Variants in NAALAD2 observed in about 807,000 individuals in gnomAD.
NAALAD2 encodes N-acetylated-alpha-linked acidic dipeptidase 2.
In NAALAD2, 89 loss-of-function variants were observed where a neutral mutation model predicts 95.6. That is an observed-to-expected ratio of 0.93 (90% CI 0.78 to 1.11). The LOEUF (loss-of-function observed/expected upper bound fraction) is 1.11. Ranked by LOEUF, NAALAD2 falls within the 50% of genes least tolerant of loss-of-function variation. The pLI is 0.00. For missense variants in NAALAD2, 894 were observed against 872.4 expected (o/e 1.02, Z -0.31); for synonymous variants, 264 against 294.4 (o/e 0.90, Z 1.06).
At chr11:90,151,738 T>C (rs1306010650) in intron 5 of NAALAD2, among the ~76,000 whole-genome samples, 1 of 152,182 alleles carries the variant, frequency 6.6e-6, no homozygotes, top group African/African-American at 2.4e-5. Context: ...ACAGGGTACA[T>C]TTTCCTATTT....
intron 2 of NAALAD2, among the ~76,000 whole-genome samples, chr11:90,140,181 C>T (rs117617817): frequency 0.038 from 5,816 of 152,214 alleles, 156 homozygotes; most frequent in Non-Finnish European, 0.057. Context: ...AGTCACCTCA[C>T]AAGCTCACGG....
At chr11:90,155,434 T>C (rs1263974822) in intron 6 of NAALAD2, among the ~76,000 whole-genome samples, 3 of 93,384 alleles carry the variant, frequency 3.2e-5, no homozygotes, top group Non-Finnish European at 5.5e-5. Flanking sequence ...ATACATGTAA[T>C]ATATAATATA....
In NAALAD2 at chr11:90,191,761, G is replaced by T; in HGVS notation, c.*14G>T. On this transcript the variant is annotated 3_prime_UTR_variant, in exon 19 of 19. Transcript: ENST00000534061. The stretch of plus-strand genomic sequence containing the variant: ...GAAGTATTATAGAAGGTCTCAAGTG[G>T]CTAGCCATTAAAGGTGTTGCTAAAA... 1.3e-6 allele frequency: 2 copies of T among 1,512,032 alleles called. No individual in the cohort carries two copies. The highest frequency in any genetic ancestry group is 1.8e-6 in the Non-Finnish European group (2 of 1,129,848). 93.7% of individuals were successfully genotyped at this position (1,512,032 alleles called of 1,614,324 possible).
At chr11:90,140,610 A>G (rs1428855150) in intron 2 of NAALAD2, among the ~76,000 whole-genome samples, 1 of 152,092 alleles carries the variant, frequency 6.6e-6, no homozygotes, top group Non-Finnish European at 1.5e-5. Flanking sequence ...ACTCTATTCT[A>G]GATATAAGTC....
At position 90,191,733 on chromosome 11, in the gene NAALAD2, A is replaced by T; in HGVS notation, c.2209A>T (p.Lys737Ter). ...AATTCAAGCAGCAGCAGGAACTCTGAAAGAAGTATTATAGAAGGTCTCAAG... is the reference window on the plus strand; with the variant it reads ...AATTCAAGCAGCAGCAGGAACTCTGTAAGAAGTATTATAGAAGGTCTCAAG... Reference protein sequence around the residue: ...FTIQAAAGTLKEVL With the variant: ...FTIQAAAGTL Residue 737 changes from lysine to a stop codon, truncating the protein, a stop_gained, in exon 19 of 19, where the codon AAA becomes TAA. Transcript: ENST00000534061. LOFTEE classifies it high-confidence loss of function. 1 of 1,586,368 alleles carries T rather than the reference A, an allele frequency of 6.3e-7. No homozygotes were observed. Among genetic ancestry groups the T allele is most frequent in the Non-Finnish European group, 8.6e-7 (1 of 1,167,474 alleles).
Position 90,177,860 on chromosome 11 carries a change from A to AT in NAALAD2, c.1602dup (p.Lys535Ter), listed in dbSNP as rs1565544369. On this transcript the variant is annotated frameshift_variant, in exon 16 of 19. Transcript: ENST00000534061. LOFTEE classifies it high-confidence loss of function. Reference sequence around the variant, plus strand: ...TCTCCATTTTTTTTTCAGAAAACAGATAAGTACAGCAGCTACCCAGTGTAC... The same window carrying AT: ...TCTCCATTTTTTTTTCAGAAAACAGATTAAGTACAGCAGCTACCCAGTGTAC... 2 of 1,607,172 alleles carry AT rather than the reference A, an allele frequency of 1.2e-6. No individual in the cohort carries two copies. The highest frequency in any genetic ancestry group is 3.4e-5 in the Admixed American group (2 of 58,660).
At chr11:90,188,889 CATA>C (rs1051177680) in intron 18 of NAALAD2, among the ~76,000 whole-genome samples, 18 of 152,232 alleles carry the variant, frequency 1.2e-4, no homozygotes, top group African/African-American at 4.3e-4. Context: ...GTGTGGTAAG[CATA>C]ATAATGGCCT....
intron 4 of NAALAD2, 58 bp from the exon 5 acceptor site, chr11:90,150,424 T>C: frequency 8.2e-7 from 1 of 1,212,286 alleles, no homozygotes. Flanking sequence ...AAACTTATTT[T>C]TTGTTTTTTT....
At chr11:90,174,686 T>G (rs916923286) in intron 14 of NAALAD2, among the ~76,000 whole-genome samples, 1 of 151,938 alleles carries the variant, frequency 6.6e-6, no homozygotes, top group African/African-American at 2.4e-5. Context: ...GTCATCTCAT[T>G]CATGCTACAG....
At chr11:90,157,984 G>C (rs1056446300) in intron 6 of NAALAD2, among the ~76,000 whole-genome samples, 161 bp from the exon 7 acceptor site, 32 of 152,318 alleles carry the variant, frequency 2.1e-4, no homozygotes, top group Middle Eastern at 3.4e-3. Context: ...CTCCGAAAGT[G>C]CTGGGATGAC....
At chr11:90,148,606 G>A (rs1951809101) in intron 3 of NAALAD2, among the ~76,000 whole-genome samples, 2 of 152,168 alleles carry the variant, frequency 1.3e-5, no homozygotes, top group African/African-American at 2.4e-5. Flanking sequence ...ACTTAATGAA[G>A]TGTCGCAGGG....
chr11:90,173,323 C>T (rs557040288), intron 13 of NAALAD2, among the ~76,000 whole-genome samples: 119 of 152,234 alleles, frequency 7.8e-4, no homozygotes, highest in Admixed American at 2.2e-3. Context: ...CCAGCGCTAA[C>T]CCCTGCCTGC....
chr11:90,177,857 C>A lies in NAALAD2; in HGVS notation c.1598C>A (p.Thr533Lys). ...GCCTCTCCATTTTTTTTTCAGAAAA[C>A]AGATAAGTACAGCAGCTACCCAGTG... Reference protein sequence around the residue: ...GRARYTKNKKTDKYSSYPVYH... With the variant: ...GRARYTKNKKKDKYSSYPVYH... The change falls in exon 16 of 19, where the codon ACA becomes AAA. Residue 533 changes from threonine (T) to lysine (K), a missense_variant. By Grantham distance (78) the Thr-to-Lys change is moderately conservative (BLOSUM62 -1). Transcript: ENST00000534061. The A allele has an allele frequency of 6.3e-7, 1 of 1,590,346 alleles. No homozygotes were observed. Among genetic ancestry groups the A allele is most frequent in the Admixed American group, 1.8e-5 (1 of 55,146 alleles).
chr11:90,170,100 C>G lies in NAALAD2; in HGVS notation c.1374C>G (p.Pro458=). The change falls in exon 13 of 19, where the codon CCC becomes CCG. Residue 458 remains proline, a synonymous_variant. Coordinates refer to ENST00000534061, the MANE Select transcript of NAALAD2 (RefSeq NM_005467.4). Reference sequence around the variant, plus strand: ...ATACTCTCAGAGTTGACTGTACTCCCCTTCTTTACCAATTAGTGTATAAAC... The same window carrying G: ...ATACTCTCAGAGTTGACTGTACTCCGCTTCTTTACCAATTAGTGTATAAAC... ...GNYTLRVDCT[P]LLYQLVYKLT... The G allele has an allele frequency of 6.3e-7, 1 of 1,591,996 alleles. No individual in the cohort carries two copies. Among genetic ancestry groups the G allele is most frequent in the Non-Finnish European group, 8.6e-7 (1 of 1,160,182 alleles).
chr11:90,134,282 C>T (rs138867320), upstream of NAALAD2, among the ~76,000 whole-genome samples: 2 of 152,194 alleles, frequency 1.3e-5, no homozygotes, highest in African/African-American at 2.4e-5. Flanking sequence ...GCTTTAACAG[C>T]GGAGCACCCA....
intron 11 of NAALAD2, among the ~76,000 whole-genome samples, chr11:90,165,438 T>G (rs1160280491): frequency 6.6e-6 from 1 of 152,220 alleles, no homozygotes; most frequent in Non-Finnish European, 1.5e-5. Context: ...GTCCAGATTT[T>G]ATAGAGCTGT....
intron 3 of NAALAD2, 112 bp downstream of exon 3, chr11:90,147,628 C>T: frequency 1.1e-6 from 1 of 952,366 alleles, no homozygotes; most frequent in Non-Finnish European, 1.6e-6. Flanking sequence ...TATTCAGTAT[C>T]CACTATGTGT....
intron 18 of NAALAD2, among the ~76,000 whole-genome samples, chr11:90,188,091 T>A (rs949773627): frequency 6.6e-6 from 1 of 152,172 alleles, no homozygotes; most frequent in East Asian, 1.9e-4. Context: ...TTTACCTTAT[T>A]TGAACAGTTT....
intron 5 of NAALAD2, among the ~76,000 whole-genome samples, chr11:90,151,892 C>T (rs1951896943): frequency 6.6e-6 from 1 of 152,134 alleles, no homozygotes; most frequent in Admixed American, 6.5e-5. Context: ...CGAGATTTTA[C>T]AGGGCAGTAG....
Sources: allele counts gnomAD v4.1 joint callset (sites outside exome capture counted in the v4.1 genomes callset), GRCh38; gene constraint gnomAD v4.1.1; transcripts MANE v1.5; gene names NCBI Gene and HGNC (gene_info 2026-07-23, HGNC 2026-07-21).